The following PCDH9 variants were observed in gnomAD, a reference collection of about 807,000 sequenced individuals.
PCDH9 encodes the protein protocadherin-9.
PCDH9 carries 24 observed loss-of-function variants against 70.6 expected under a neutral mutation model. The ratio of observed to expected loss-of-function variants is 0.34; its 90% CI spans 0.25 to 0.48. The LOEUF (loss-of-function observed/expected upper bound fraction) is 0.48. Among genes scored for constraint, PCDH9 ranks in the 20% least tolerant of loss-of-function variants. The probability of loss-of-function intolerance (pLI) is 0.99; values close to 1 mark genes in which losing one functional copy is unlikely to be tolerated. For missense variants in PCDH9, 1,281 were observed against 1,503.6 expected, an observed-to-expected ratio of 0.85 and a Z score of 2.45; for synonymous variants, 562 against 558.5, an observed-to-expected ratio of 1.01 and a Z score of -0.09.
In PCDH9 at chr13:66,463,814, CTCA is replaced by C. The variant is rs1958468716; in HGVS notation, c.3341-158789_3341-158787del. Among the ~76,000 whole-genome samples, 3 of 151,820 alleles carry C rather than the reference CTCA, an allele frequency of 2.0e-5. 1 individual carries two copies. In the South Asian group the frequency reaches 6.2e-4, roughly 31 times the overall value. ...AGATGAGGAAAACCATCACATTTTC[CTCA>C]AAGGTACAATTAGTCATTATTAGCA... On this transcript the variant is annotated intron_variant, in intron 4 of 4. Coordinates refer to ENST00000377865, the MANE Select transcript of PCDH9 (RefSeq NM_203487.3).
chr13:66,677,486 G>A (rs949331168), intron 3 of PCDH9, among the ~76,000 whole-genome samples: 1 of 151,976 alleles, frequency 6.6e-6, no homozygotes, highest in African/African-American at 2.4e-5. Flanking sequence ...AATCCCCAAG[G>A]CTCGAGGTAG....
At chr13:66,399,359 C>A (rs945555062) in intron 4 of PCDH9, among the ~76,000 whole-genome samples, 2 of 152,124 alleles carry the variant, frequency 1.3e-5, no homozygotes, top group Non-Finnish European at 2.9e-5. Context: ...TGGGGTCAGA[C>A]TGCATCTTTC....
At position 66,478,898 on chromosome 13, in the gene PCDH9, G is replaced by A. The variant is rs148959553; in HGVS notation, c.3340+152312C>T. Among the ~76,000 whole-genome samples, 701 of 152,294 alleles carry A rather than the reference G, an allele frequency of 4.6e-3. 29 individuals carry two copies. The East Asian group carries it at 0.089, about 19-fold the overall frequency. On this transcript the variant is annotated intron_variant, in intron 4 of 4. Transcript: ENST00000377865. ...CTACACTAAAAAACAGATTTTCAAC[G>A]TAGATAAAACAGCCTCTGTTGGAAG... is the stretch of plus-strand genomic sequence containing the variant.
At chr13:66,860,086 G>A (rs1012411621) in intron 3 of PCDH9, among the ~76,000 whole-genome samples, 7 of 152,186 alleles carry the variant, frequency 4.6e-5, no homozygotes, top group African/African-American at 1.4e-4. Context: ...AATGAAATGA[G>A]GGTAATAGAG....
chr13:66,899,189 T>C (rs2082236088), intron 3 of PCDH9, among the ~76,000 whole-genome samples: 2 of 152,046 alleles, frequency 1.3e-5, no homozygotes, highest in African/African-American at 2.4e-5. Context: ...GTGTTATGAA[T>C]TTACATAAAA....
chr13:66,436,858 T>A (rs1957875298), intron 4 of PCDH9, among the ~76,000 whole-genome samples: 1 of 141,192 alleles, frequency 7.1e-6, no homozygotes, highest in Admixed American at 6.8e-5. Context: ...GTGTGCCAAG[T>A]TTTTTTATTG....
intron 4 of PCDH9, among the ~76,000 whole-genome samples, chr13:66,530,459 C>T (rs931211568): frequency 2.0e-5 from 3 of 151,954 alleles, no homozygotes; most frequent in African/African-American, 7.2e-5. Context: ...ATTCTTATCT[C>T]TGTGTCCTCT....
Position 66,374,420 on chromosome 13 carries a change from G to T in PCDH9, c.3341-69392C>A, listed in dbSNP as rs1368796883. ...GATAATACTTTTAGAAATTTGATTAGAGAATTTTTGTTCATTTAGATTGCA... is the reference window on the plus strand; with the variant it reads ...GATAATACTTTTAGAAATTTGATTATAGAATTTTTGTTCATTTAGATTGCA... On this transcript the variant is annotated intron_variant, in intron 4 of 4. Transcript: ENST00000377865. Among the ~76,000 whole-genome samples, 5 of 152,134 alleles carry T rather than the reference G, an allele frequency of 3.3e-5. No homozygotes were observed. The East Asian group carries it at 9.7e-4, about 29-fold the overall frequency.
chr13:66,739,402 G>C (rs1182186710), intron 3 of PCDH9, among the ~76,000 whole-genome samples: 1 of 151,062 alleles, frequency 6.6e-6, no homozygotes, highest in Non-Finnish European at 1.5e-5. Context: ...AAAATATAAA[G>C]ACCATAGAGA....
chr13:67,069,956 T>G (rs1333177326), intron 2 of PCDH9, among the ~76,000 whole-genome samples: 1 of 151,942 alleles, frequency 6.6e-6, no homozygotes. Context: ...TTTACAAAAT[T>G]CATTAATCTT....
At chr13:66,377,662 T>C (rs1460223393) in intron 4 of PCDH9, among the ~76,000 whole-genome samples, 1 of 152,170 alleles carries the variant, frequency 6.6e-6, no homozygotes, top group Non-Finnish European at 1.5e-5. Flanking sequence ...AATATTTTTC[T>C]TCTGAAGAAA....
At chr13:66,648,392 A>C (rs1365707789) in intron 3 of PCDH9, among the ~76,000 whole-genome samples, 2 of 152,226 alleles carry the variant, frequency 1.3e-5, no homozygotes, top group Admixed American at 6.5e-5. Context: ...GGAGAAAGTA[A>C]GGGAAGAGAA....
chr13:66,964,817 T>G (rs1229119602), intron 2 of PCDH9, among the ~76,000 whole-genome samples: 1 of 152,050 alleles, frequency 6.6e-6, no homozygotes, highest in African/African-American at 2.4e-5. Context: ...GATTAATTCA[T>G]GTTGTAATTT....
chr13:67,165,352 C>T (rs2088082231), intron 2 of PCDH9, among the ~76,000 whole-genome samples: 1 of 152,068 alleles, frequency 6.6e-6, no homozygotes, highest in South Asian at 2.1e-4. Flanking sequence ...AAAAATTCAG[C>T]ATTCCATTTA....
At chr13:66,853,334 T>C (rs1309581872) in intron 3 of PCDH9, among the ~76,000 whole-genome samples, 1 of 151,930 alleles carries the variant, frequency 6.6e-6, no homozygotes, top group Non-Finnish European at 1.5e-5. Flanking sequence ...CTCAGCTACT[T>C]CACTCTTTCC....
chr13:66,632,126 C>T (rs1488233987), intron 3 of PCDH9, among the ~76,000 whole-genome samples: 1 of 152,086 alleles, frequency 6.6e-6, no homozygotes, highest in Non-Finnish European at 1.5e-5. Flanking sequence ...AACTCCTGAC[C>T]TCAGGTAATC....
chr13:66,980,726 C>CTTTTTTTTTT (rs1327800250), intron 2 of PCDH9, among the ~76,000 whole-genome samples: 47 of 33,308 alleles, frequency 1.4e-3, no homozygotes, highest in Non-Finnish European at 2.6e-3. Context: ...CTGTTTTTTT[C>CTTTTTTTTTT]TTTGTTTTTT....
intron 3 of PCDH9, among the ~76,000 whole-genome samples, chr13:66,842,184 A>T (rs1055753610): frequency 4.6e-5 from 7 of 152,184 alleles, no homozygotes; most frequent in Non-Finnish European, 1.0e-4. Context: ...AATTTTTCTT[A>T]TACATGGTAT....
At chr13:66,349,290 G>C (rs900785925) in intron 4 of PCDH9, among the ~76,000 whole-genome samples, 1 of 152,096 alleles carries the variant, frequency 6.6e-6, no homozygotes, top group Non-Finnish European at 1.5e-5. Context: ...AAGGAAAGGG[G>C]TGATTTAAAG....
Sources: allele counts gnomAD v4.1 joint callset (sites outside exome capture counted in the v4.1 genomes callset), GRCh38; gene constraint gnomAD v4.1.1; transcripts MANE v1.5; gene names NCBI Gene and HGNC (gene_info 2026-07-23, HGNC 2026-07-21).